CHM: variants seen among roughly 807,000 people sequenced by gnomAD.
CHM encodes CHM Rab escort protein, also known as rab proteins geranylgeranyltransferase component A 1.
CHM carries 10 observed loss-of-function variants against 49.0 expected under a neutral mutation model. The observed-to-expected ratio is 0.20, with a 90% CI of 0.13 to 0.35. The LOEUF is 0.35. Ranked by LOEUF, CHM falls within the 10% of genes least tolerant of loss-of-function variation. CHM has a pLI of 1.00. For missense variants in CHM, 455 were observed against 478.4 expected (o/e 0.95, Z 0.46); for synonymous variants, 184 against 167.5 (o/e 1.10, Z -0.76).
At chrX:85,993,629 T>C (rs1036901113) in intron 2 of CHM, among the ~76,000 whole-genome samples, 1 of 111,907 alleles carries the variant, frequency 8.9e-6, no homozygotes, top group African/African-American at 3.3e-5. Context: ...CCAAAATTCT[T>C]AGCATTGCTA....
chrX:85,916,940 G>A (rs771578390), intron 8 of CHM, among the ~76,000 whole-genome samples: 1 of 112,424 alleles, frequency 8.9e-6, no homozygotes, highest in South Asian at 3.7e-4. Context: ...TCCCATCACT[G>A]GGTATATACC....
chrX:85,937,758 C>G (rs772914010), intron 8 of CHM, among the ~76,000 whole-genome samples: 42 of 106,807 alleles, frequency 3.9e-4, no homozygotes, highest in Non-Finnish European at 7.1e-4. Context: ...GCAGGAGAAT[C>G]AGTTGAATCC....
chrX:86,028,024 G>A (rs1176441919), intron 1 of CHM, among the ~76,000 whole-genome samples: 3 of 112,148 alleles, frequency 2.7e-5, no homozygotes, highest in African/African-American at 9.7e-5. Context: ...GCCTCCCAAA[G>A]TGCTGAGATT....
Position 85,898,552 on chromosome X carries a change from C to T in CHM, c.1413+2094G>A, listed in dbSNP as rs752378559. 4.5e-5 allele frequency among the ~76,000 whole-genome samples: 5 copies of T among 112,041 alleles called. No homozygotes were observed. In the South Asian group the frequency reaches 1.9e-3, roughly 42 times the overall value. Reference sequence around the variant, plus strand: ...TCATCTCCACATCCCTCTTCAAAGACCAGTTCCTCTCTCTTACTCTTCACA... The same window carrying T: ...TCATCTCCACATCCCTCTTCAAAGATCAGTTCCTCTCTCTTACTCTTCACA... On this transcript the variant is annotated intron_variant, in intron 11 of 14. Transcript: ENST00000357749.
At chrX:85,974,248 A>T (rs1931122649) in intron 4 of CHM, among the ~76,000 whole-genome samples, 1 of 112,234 alleles carries the variant, frequency 8.9e-6, no homozygotes, top group Admixed American at 9.4e-5. Flanking sequence ...AGAAAATCAA[A>T]GATGAGCTTC....
intron 2 of CHM, among the ~76,000 whole-genome samples, chrX:86,005,969 A>G (rs1274247495): frequency 8.9e-6 from 1 of 111,885 alleles, no homozygotes; most frequent in East Asian, 2.8e-4. Context: ...AGAAAAGAGA[A>G]TATTAAACCA....
At chrX:85,962,138 A>C (rs1233238397) in intron 5 of CHM, among the ~76,000 whole-genome samples, 1 of 112,598 alleles carries the variant, frequency 8.9e-6, no homozygotes, top group Non-Finnish European at 1.9e-5. Flanking sequence ...TAATTACTTC[A>C]AAATGGAATT....
intron 1 of CHM, chrX:86,047,126 G>A: frequency 3.4e-6 from 1 of 297,422 alleles, no homozygotes; most frequent in Non-Finnish European, 6.1e-6. Context: ...AATCAATAAG[G>A]AAGGAATCAT....
intron 2 of CHM, among the ~76,000 whole-genome samples, chrX:85,997,750 G>C (rs1932505946): frequency 9.0e-6 from 1 of 111,204 alleles, no homozygotes; most frequent in East Asian, 2.9e-4. Flanking sequence ...AGGAGTTTGA[G>C]ACCAGGCTGG....
At chrX:85,903,013 T>G (rs1421230872) in intron 9 of CHM, among the ~76,000 whole-genome samples, 3 of 111,597 alleles carry the variant, frequency 2.7e-5, no homozygotes, top group African/African-American at 9.7e-5. Flanking sequence ...TGTATATAAA[T>G]TTACATCAAA....
chrX:85,963,819 T>C lies in CHM; in HGVS notation c.548A>G (p.Asp183Gly). The C allele has an allele frequency of 1.7e-6, 2 of 1,211,934 alleles. No homozygotes were observed. The highest frequency in any genetic ancestry group is 2.2e-6 in the Non-Finnish European group (2 of 895,559). The change falls in exon 5 of 15, where the codon GAT becomes GGT. Residue 183 changes from aspartate to glycine, a missense_variant. Coordinates refer to ENST00000357749, the MANE Select transcript of CHM (RefSeq NM_000390.4). ...AGTTGATGGCACACAAGTTTTATCA[T>C]CACAATGGTTTTCTTTTTCCCCTGT... ...EVTGEKENHC[D>G]DKTCVPSTSA... is the part of the protein sequence containing the mutation.
At chrX:85,867,587 G>A (rs1338532337) in intron 14 of CHM, among the ~76,000 whole-genome samples, 1 of 111,744 alleles carries the variant, frequency 8.9e-6, no homozygotes, top group East Asian at 2.8e-4. Flanking sequence ...CCATTCCCTG[G>A]ACTTTAAGGA....
rs113307452 is a variant in CHM at position 85,992,947 on chromosome X, C to T, written c.117-11138G>A. Reference sequence around the variant, plus strand: ...CCACATTAGTCCACCCATTCAAATCCGTTTATAGACAACCAAGGCAGGTAG... The same window carrying T: ...CCACATTAGTCCACCCATTCAAATCTGTTTATAGACAACCAAGGCAGGTAG... On this transcript the variant is annotated intron_variant, in intron 2 of 14. Coordinates refer to ENST00000357749, the MANE Select transcript of CHM (RefSeq NM_000390.4). Among the ~76,000 whole-genome samples the T allele has an allele frequency of 4.5e-5, 5 of 111,705 alleles. 1 individual carries two copies. Among genetic ancestry groups the T allele is most frequent in the African/African-American group, 1.3e-4 (4 of 30,780 alleles).
At chrX:85,888,696 T>C (rs1025445200) in intron 12 of CHM, among the ~76,000 whole-genome samples, 4 of 110,731 alleles carry the variant, frequency 3.6e-5, no homozygotes, top group African/African-American at 1.3e-4. Flanking sequence ...ACACCAATGG[T>C]CTCAGATTTT....
At chrX:86,023,586 A>C (rs1206672620) in intron 2 of CHM, among the ~76,000 whole-genome samples, 2 of 111,573 alleles carry the variant, frequency 1.8e-5, no homozygotes, top group Non-Finnish European at 3.8e-5. Flanking sequence ...CTAGATTGTG[A>C]GTCAGTGTAT....
At chrX:85,932,203 T>G (rs1928476402) in intron 8 of CHM, among the ~76,000 whole-genome samples, 1 of 111,999 alleles carries the variant, frequency 8.9e-6, no homozygotes. Flanking sequence ...AACCTCACTA[T>G]ATAAGGGTAC....
At chrX:85,894,123 T>C in intron 12 of CHM, 65 bp downstream of exon 12, 1 of 777,745 alleles carries the variant, frequency 1.3e-6, no homozygotes, top group East Asian at 3.2e-5. Flanking sequence ...TTCACAACTG[T>C]AATAACTGCC....
chrX:85,996,380 T>C (rs1161126004), intron 2 of CHM, among the ~76,000 whole-genome samples: 1 of 112,046 alleles, frequency 8.9e-6, no homozygotes, highest in Non-Finnish European at 1.9e-5. Flanking sequence ...ACTTGACGAA[T>C]ATAGATGCAA....
At chrX:85,878,732 A>C (rs1924571274) in intron 13 of CHM, among the ~76,000 whole-genome samples, 2 of 111,131 alleles carry the variant, frequency 1.8e-5, no homozygotes, top group Non-Finnish European at 3.8e-5. Context: ...TTTTGTGCTT[A>C]ATTATGTTTT....
Sources: allele counts gnomAD v4.1 joint callset (sites outside exome capture counted in the v4.1 genomes callset), GRCh38; gene constraint gnomAD v4.1.1; transcripts MANE v1.5; gene names NCBI Gene and HGNC (gene_info 2026-07-23, HGNC 2026-07-21).